PTK7: variants seen among roughly 807,000 people sequenced by gnomAD.
PTK7 encodes protein tyrosine kinase 7 (inactive).
Under a neutral mutation model 116.6 loss-of-function variants are expected in PTK7, and 39 were observed. The ratio of observed to expected loss-of-function variants is 0.33; its 90% CI spans 0.26 to 0.44. The LOEUF (loss-of-function observed/expected upper bound fraction) is 0.44, where lower values mean the gene tolerates loss of function less well. PTK7 is among the 20% of genes least tolerant of loss of function. The pLI is 1.00. For missense variants in PTK7, 1,169 were observed against 1,425.6 expected, an observed-to-expected ratio of 0.82 and a Z score of 2.90; for synonymous variants, 546 against 563.6, an observed-to-expected ratio of 0.97 and a Z score of 0.44.
rs1456478533 is a variant in PTK7 at position 43,078,260 on chromosome 6, T to C, written c.79+1693T>C. On this transcript the variant is annotated intron_variant, in intron 1 of 19. Coordinates refer to ENST00000230419, the MANE Select transcript of PTK7 (RefSeq NM_002821.5). ...GTGACTGGTTGGTGTTTAGTGTGTG[T>C]GCGCGCGTGTGTGTGGGGGATCCTG... is the stretch of plus-strand genomic sequence containing the variant. 2.7e-5 allele frequency among the ~76,000 whole-genome samples: 4 copies of C among 148,580 alleles called. No individual in the cohort carries two copies. The Admixed American group carries it at 2.7e-4, about 10-fold the overall frequency.
chr6:43,129,979 A>G lies in PTK7; in HGVS notation c.470+150A>G. ...CTCTTCACCCTGCCCTCCCCCAGAT[A>G]TTGCCCTATGCCGGCCCCTGGTGGC... On this transcript the variant is annotated intron_variant, in intron 3 of 19. Transcript: ENST00000230419. This position sits in a 1 kb window ranked among gnomAD's most constrained non-coding sequence, Gnocchi z 4.5. 1.1e-6 allele frequency: 1 copy of G among 901,318 alleles called. No homozygotes were observed. The allele number at this position is 901,318 out of a possible 1,614,324, so 55.8% of individuals were successfully genotyped here.
chr6:43,080,954 T>TACACACACACAC (rs59525398), intron 1 of PTK7, among the ~76,000 whole-genome samples: 15 of 148,328 alleles, frequency 1.0e-4, no homozygotes, highest in African/African-American at 3.5e-4. Context: ...AAAAAAAAAA[T>TACACACACACAC]ACACACACAC....
chr6:43,125,299 C>T (rs549635992), intron 1 of PTK7, among the ~76,000 whole-genome samples: 4 of 152,354 alleles, frequency 2.6e-5, no homozygotes, highest in South Asian at 2.1e-4. Flanking sequence ...TTCCCAGGCC[C>T]AGTCGTTGGG....
In PTK7 at chr6:43,139,759, A is replaced by G. The variant is rs538775472; in HGVS notation, c.1618+234A>G. ...AGGCAACAAGTGATTGGATTGGTTC[A>G]GACAGTGCTGTAAAGTCCTCTCTTC... On this transcript the variant is annotated intron_variant, in intron 10 of 19. Transcript: ENST00000230419. This position sits in a 1 kb window ranked among gnomAD's most constrained non-coding sequence, Gnocchi z 4.6. Among the ~76,000 whole-genome samples the G allele has an allele frequency of 5.5e-4, 84 of 152,372 alleles. No individual in the cohort carries two copies. Among genetic ancestry groups the G allele is most frequent in the Non-Finnish European group, 1.0e-3 (68 of 68,028 alleles).
chr6:43,129,427 A>G lies in PTK7; in HGVS notation c.367+163A>G. On this transcript the variant is annotated intron_variant, in intron 2 of 19. Coordinates refer to ENST00000230419, the MANE Select transcript of PTK7 (RefSeq NM_002821.5). The surrounding 1 kb of genome is among the most constrained non-coding windows in gnomAD (Gnocchi z 4.5). The stretch of plus-strand genomic sequence containing the variant: ...TTGCTCATGTGGATAAGAGGAAATT[A>G]AAAGTTATATTTTTTCCAAAATTTT... 2 of 1,046,496 alleles carry G rather than the reference A, an allele frequency of 1.9e-6. No individual in the cohort carries two copies. Among genetic ancestry groups the G allele is most frequent in the Non-Finnish European group, 1.4e-6 (1 of 735,110 alleles). The allele number at this position is 1,046,496 out of a possible 1,614,324, so 64.8% of individuals were successfully genotyped here.
At chr6:43,110,283 C>T (rs769444141) in intron 1 of PTK7, among the ~76,000 whole-genome samples, 5 of 152,036 alleles carry the variant, frequency 3.3e-5, no homozygotes, top group Admixed American at 3.3e-4. Flanking sequence ...AGCCACCATG[C>T]CTGGCCTGGA....
At chr6:43,105,108 G>GC (rs1414180656) in intron 1 of PTK7, among the ~76,000 whole-genome samples, 7 of 149,978 alleles carry the variant, frequency 4.7e-5, no homozygotes, top group African/African-American at 1.7e-4. Flanking sequence ...ACCAAGCCCA[G>GC]CCTTTTTTTT....
chr6:43,085,287 T>A (rs1766591649), intron 1 of PTK7, among the ~76,000 whole-genome samples: 2 of 152,158 alleles, frequency 1.3e-5, no homozygotes, highest in African/African-American at 4.8e-5. Flanking sequence ...TTTTTTGAGA[T>A]GGAGTTTCTC....
intron 17 of PTK7, among the ~76,000 whole-genome samples, chr6:43,157,360 A>ATTT (rs1387944123): frequency 2.5e-4 from 2 of 8,038 alleles, no homozygotes; most frequent in Non-Finnish European, 4.1e-4. Context: ...ATATATATAT[A>ATTT]TATATTTTTT....
At chr6:43,108,094 CTTTTT>C (rs1327874500) in intron 1 of PTK7, among the ~76,000 whole-genome samples, 1 of 137,420 alleles carries the variant, frequency 7.3e-6, no homozygotes, top group Non-Finnish European at 1.6e-5. Flanking sequence ...GCTGCTTTAA[CTTTTT>C]TTTTTTTTTT....
chr6:43,135,143 T>G (rs959238012), intron 7 of PTK7, among the ~76,000 whole-genome samples: 38 of 152,164 alleles, frequency 2.5e-4, no homozygotes, highest in African/African-American at 9.2e-4. Context: ...ATTCCACAGA[T>G]GCTGACTGAG....
chr6:43,157,364 A>ATATATATATATATTTTT (rs70990168), intron 17 of PTK7, among the ~76,000 whole-genome samples: 5 of 54,350 alleles, frequency 9.2e-5, no homozygotes, highest in Admixed American at 4.9e-4. Context: ...ATATATATAT[A>ATATATATATATATTTTT]TTTTTTTTTT....
rs368058329 is a variant in PTK7, at chr6:43,140,150, T to C, written c.1618+625T>C. 1.0e-4 allele frequency among the ~76,000 whole-genome samples: 15 copies of C among 148,738 alleles called. No homozygotes were observed. The East Asian group carries it at 2.7e-3, about 26-fold the overall frequency. On this transcript the variant is annotated intron_variant, in intron 10 of 19. Coordinates refer to ENST00000230419, the MANE Select transcript of PTK7 (RefSeq NM_002821.5). ...GAAACAAAAGTTACATGGGCTCCTT[T>C]ACAAAATACTGGAAGAGGCCGGGCG...
At chr6:43,146,055 C>T (rs1582199802) in intron 16 of PTK7, 2 of 153,102 alleles carry the variant, frequency 1.3e-5, no homozygotes, top group East Asian at 1.9e-4. Flanking sequence ...CGGCTGGGCA[C>T]AGTGGCTCAC....
At position 43,076,354 on chromosome 6, in the gene PTK7, C is replaced by A; in HGVS notation, c.-135C>A. 1 of 489,976 alleles carries A rather than the reference C, an allele frequency of 2.0e-6. No homozygotes were observed. The highest frequency in any genetic ancestry group is 7.9e-5 in the South Asian group (1 of 12,702). 30.4% of individuals were successfully genotyped at this position (489,976 alleles called of 1,614,324 possible). On this transcript the variant is annotated 5_prime_UTR_variant, in exon 1 of 20. Coordinates refer to ENST00000230419, the MANE Select transcript of PTK7 (RefSeq NM_002821.5). This position sits in a 1 kb window ranked among gnomAD's most constrained non-coding sequence, Gnocchi z 5.7. The stretch of plus-strand genomic sequence containing the variant: ...CTCCGGCTCGGGACGCCTCGGGACG[C>A]CTCGGGGTCGGGCTCCGGCTGCGGC...
At chr6:43,122,586 C>T (rs1455660402) in intron 1 of PTK7, among the ~76,000 whole-genome samples, 1 of 151,354 alleles carries the variant, frequency 6.6e-6, no homozygotes, top group Non-Finnish European at 1.5e-5. Flanking sequence ...GGACCCAGGC[C>T]GTGGAGCCGG....
At chr6:43,117,234 G>A (rs965211593) in intron 1 of PTK7, among the ~76,000 whole-genome samples, 1 of 152,202 alleles carries the variant, frequency 6.6e-6, no homozygotes, top group African/African-American at 2.4e-5. Context: ...GAGAAGAGCA[G>A]GATGTAGGAG....
intron 7 of PTK7, chr6:43,133,040 C>A: frequency 2.3e-6 from 1 of 437,686 alleles, no homozygotes; most frequent in Non-Finnish European, 4.0e-6. Context: ...TCTCCTCATC[C>A]ATAAAATGGA....
rs117398855 is a variant in PTK7, at chr6:43,143,063, A to G, written c.2048-354A>G. 3 of 220,036 alleles carry G rather than the reference A, an allele frequency of 1.4e-5. No individual in the cohort carries two copies. The highest frequency in any genetic ancestry group is 1.6e-4 in the South Asian group (2 of 12,624). 13.6% of individuals were successfully genotyped at this position (220,036 alleles called of 1,614,324 possible). On this transcript the variant is annotated intron_variant, in intron 13 of 19. Coordinates refer to ENST00000230419, the MANE Select transcript of PTK7 (RefSeq NM_002821.5). This position sits in a 1 kb window ranked among gnomAD's most constrained non-coding sequence, Gnocchi z 4.2. ...GCAGTGCCTGGAATTCTAAACCTGAAGCTCCCAAATGCTGCTCTCCGGGGC... is the reference window on the plus strand; with the variant it reads ...GCAGTGCCTGGAATTCTAAACCTGAGGCTCCCAAATGCTGCTCTCCGGGGC...
Sources: gnomAD v4.1 joint callset for allele counts (sites outside exome capture counted in the v4.1 genomes callset) on GRCh38, gnomAD v4.1.1 for gene constraint, Gnocchi (gnomAD v3.1) non-coding constraint, MANE v1.5 for transcripts, NCBI Gene and HGNC (gene_info 2026-07-23, HGNC 2026-07-21) for gene names.